Variants in ZRANB3 observed in about 807,000 individuals in gnomAD.
ZRANB3 encodes zinc finger RANBP2-type containing 3.
In ZRANB3, 125 loss-of-function variants were observed where a neutral mutation model predicts 133.8. That is an observed-to-expected ratio of 0.93 (90% confidence interval 0.81 to 1.08). ZRANB3 has a LOEUF of 1.08. Ranked by LOEUF, ZRANB3 falls within the 50% of genes least tolerant of loss-of-function variation. ZRANB3 has a pLI of 0.00. For synonymous variants in ZRANB3, 387 were observed against 432.7 expected, an observed-to-expected ratio of 0.89 and a Z score of 1.31; for missense variants, 1,229 against 1,275.5, an observed-to-expected ratio of 0.96 and a Z score of 0.56.
chr2:135,474,371 GT>G, intron 2 of ZRANB3, among the ~76,000 whole-genome samples: 1 of 152,016 alleles, frequency 6.6e-6, no homozygotes. Flanking sequence ...TTGGATGTTT[GT>G]CCCCTCGAAA....
chr2:135,295,677 G>A (rs1358491291), intron 8 of ZRANB3, among the ~76,000 whole-genome samples: 1 of 152,084 alleles, frequency 6.6e-6, no homozygotes, highest in African/African-American at 2.4e-5. Context: ...TAGCCTCGAT[G>A]GTCTTTACAA....
At chr2:135,280,454 C>A (rs139319169) in intron 8 of ZRANB3, among the ~76,000 whole-genome samples, 22 of 152,222 alleles carry the variant, frequency 1.4e-4, no homozygotes, top group Admixed American at 8.5e-4. Context: ...GTGGTCCCAG[C>A]TACTCGGGAG....
intron 8 of ZRANB3, among the ~76,000 whole-genome samples, chr2:135,294,070 T>A (rs1681905291): frequency 1.3e-5 from 2 of 152,178 alleles, no homozygotes; most frequent in African/African-American, 4.8e-5. Context: ...TTCTTTTGTG[T>A]CTCTGCCAGG....
chr2:135,293,340 T>C lies in ZRANB3; in HGVS notation c.967-17585A>G, dbSNP rs1457563433. The stretch of plus-strand genomic sequence containing the variant: ...TTTCTAAGTTGGATTCCTAGGTATT[T>C]TACTCTCTTTGAAGCAATTGTGAAT... On this transcript the variant is annotated intron_variant, in intron 8 of 20. Coordinates refer to ENST00000264159, the MANE Select transcript of ZRANB3 (RefSeq NM_032143.4). Among the ~76,000 whole-genome samples the C allele has an allele frequency of 2.6e-5, 4 of 151,842 alleles. No individual in the cohort carries two copies. In the East Asian group the frequency reaches 7.8e-4, roughly 29 times the overall value.
chr2:135,261,345 G>A (rs1679953459), intron 12 of ZRANB3, among the ~76,000 whole-genome samples: 1 of 152,138 alleles, frequency 6.6e-6, no homozygotes, highest in Non-Finnish European at 1.5e-5. Flanking sequence ...TAAACTGCAT[G>A]AAGCTGGGAG....
chr2:135,423,949 G>T (rs1408499222), intron 2 of ZRANB3, among the ~76,000 whole-genome samples: 2 of 152,128 alleles, frequency 1.3e-5, no homozygotes, highest in African/African-American at 4.8e-5. Context: ...TTTAGTCAGG[G>T]TGCTTCTGAC....
intron 4 of ZRANB3, 74 bp from the exon 5 acceptor site, chr2:135,350,289 G>A: frequency 9.2e-7 from 1 of 1,087,738 alleles, no homozygotes. Flanking sequence ...ACTCTCTTGG[G>A]AAAAAATACA....
intron 2 of ZRANB3, among the ~76,000 whole-genome samples, chr2:135,487,002 T>G (rs1692152909): frequency 6.6e-6 from 1 of 152,232 alleles, no homozygotes; most frequent in South Asian, 2.1e-4. Context: ...AATCATTATC[T>G]TTGGCAACTA....
At chr2:135,425,810 C>G (rs1689036713) in intron 2 of ZRANB3, among the ~76,000 whole-genome samples, 1 of 150,874 alleles carries the variant, frequency 6.6e-6, no homozygotes, top group African/African-American at 2.4e-5. Context: ...AAACCAACCC[C>G]AAGGATAGCA....
chr2:135,493,031 T>C (rs1008619395), intron 2 of ZRANB3, among the ~76,000 whole-genome samples: 1 of 145,512 alleles, frequency 6.9e-6, no homozygotes, highest in African/African-American at 2.5e-5. Context: ...AACTAGATAT[T>C]GGTATGAAGG....
chr2:135,424,827 A>G (rs558831831), intron 2 of ZRANB3, among the ~76,000 whole-genome samples: 15 of 152,356 alleles, frequency 9.8e-5, no homozygotes, highest in African/African-American at 3.4e-4. Context: ...AAGTCTGAAA[A>G]TAACTCTAAC....
At chr2:135,511,826 A>C (rs776619977) in intron 1 of ZRANB3, 2 of 761,610 alleles carry the variant, frequency 2.6e-6, no homozygotes, top group Non-Finnish European at 4.9e-6. Context: ...CCATGGACAT[A>C]AGAAGAGTTC....
chr2:135,530,816 G>T (rs983657951), intron 1 of ZRANB3: 1 of 152,144 alleles, frequency 6.6e-6, no homozygotes, highest in Non-Finnish European at 1.5e-5. Context: ...CTGAAGCGGC[G>T]GCATGGGTAC....
chr2:135,449,784 GTCTC>G (rs1026056000), intron 2 of ZRANB3, among the ~76,000 whole-genome samples: 15 of 151,876 alleles, frequency 9.9e-5, no homozygotes, highest in African/African-American at 1.7e-4. Context: ...TTGAGGCAGG[GTCTC>G]TCTCTATCAT....
intron 16 of ZRANB3, 21 bp from the exon 17 acceptor site, chr2:135,217,628 A>G (rs987464761): frequency 1.9e-6 from 3 of 1,607,498 alleles, no homozygotes; most frequent in Non-Finnish European, 2.5e-6. Context: ...ATGAGATAAT[A>G]AGAGTTAACA....
chr2:135,491,287 A>C (rs977522086), intron 2 of ZRANB3, among the ~76,000 whole-genome samples: 1 of 152,202 alleles, frequency 6.6e-6, no homozygotes, highest in Admixed American at 6.6e-5. Context: ...AACAGAAGGT[A>C]AAAGGGAAAC....
intron 8 of ZRANB3, among the ~76,000 whole-genome samples, chr2:135,292,782 G>C (rs1341094341): frequency 1.3e-5 from 2 of 152,168 alleles, no homozygotes; most frequent in Non-Finnish European, 2.9e-5. Context: ...TAAGGTGTAA[G>C]GAAGGGACCC....
intron 6 of ZRANB3, 120 bp from the exon 7 acceptor site, chr2:135,315,650 C>A: frequency 1.4e-6 from 1 of 732,918 alleles, no homozygotes; most frequent in South Asian, 3.1e-5. Context: ...ATTGATATTT[C>A]TGAATGAATA....
At chr2:135,450,756 G>A (rs997931066) in intron 2 of ZRANB3, among the ~76,000 whole-genome samples, 9 of 152,190 alleles carry the variant, frequency 5.9e-5, no homozygotes, top group Admixed American at 5.2e-4. Context: ...CAAAGAGTAA[G>A]CCTAGAGAAG....
Sources: gnomAD v4.1 joint callset for allele counts (sites outside exome capture counted in the v4.1 genomes callset) on GRCh38, gnomAD v4.1.1 for gene constraint, MANE v1.5 for transcripts, NCBI Gene and HGNC (gene_info 2026-07-23, HGNC 2026-07-21) for gene names.